The following TNKS2 variants were observed in gnomAD, a reference collection of about 807,000 sequenced individuals.
TNKS2 encodes poly [ADP-ribose] polymerase tankyrase-2.
TNKS2 carries 72 observed loss-of-function variants against 137.6 expected under a neutral mutation model. The observed-to-expected ratio is 0.52, with a 90% confidence interval of 0.43 to 0.64. TNKS2 has a LOEUF of 0.64. TNKS2 is among the 30% of genes least tolerant of loss of function. The pLI, the probability that TNKS2 is intolerant of heterozygous loss-of-function variation, is 0.00. For missense variants in TNKS2, 1,049 were observed against 1,410.2 expected (o/e 0.74, Z 4.10); for synonymous variants, 516 against 512.1 (o/e 1.01, Z -0.10).
rs1844049733 is a variant in TNKS2 at position 91,798,681 on chromosome 10, G to A, written c.-10G>A. On this transcript the variant is annotated 5_prime_UTR_variant, in exon 1 of 27. Transcript: ENST00000371627. Reference sequence around the variant, plus strand: ...TGGCGCTGTTGCTGGCTGTGGCGGCGGCCAGGATCATGTCGGGTCGCCGCT... The same window carrying A: ...TGGCGCTGTTGCTGGCTGTGGCGGCAGCCAGGATCATGTCGGGTCGCCGCT... 2.5e-5 allele frequency: 31 copies of A among 1,226,236 alleles called. No individual in the cohort carries two copies. Among genetic ancestry groups the A allele is most frequent in the Non-Finnish European group, 3.2e-5 (31 of 981,596 alleles). 76.0% of individuals were successfully genotyped at this position (1,226,236 alleles called of 1,614,324 possible). A position where few individuals can be genotyped will look rare whatever the true frequency, so the allele number is the denominator to read the frequency against.
At chr10:91,842,058 A>T in intron 15 of TNKS2, 114 bp from the exon 16 acceptor site, 2 of 589,398 alleles carry the variant, frequency 3.4e-6, no homozygotes, top group South Asian at 5.0e-5. Context: ...TTCAAAGTAG[A>T]GTCTCAATAT....
chr10:91,828,326 G>A lies in TNKS2; in HGVS notation c.1024G>A (p.Ala342Thr), dbSNP rs1845129967. The A allele has an allele frequency of 6.2e-7, 1 of 1,607,508 alleles. No individual in the cohort carries two copies. Among genetic ancestry groups the A allele is most frequent in the African/African-American group, 1.3e-5 (1 of 74,490 alleles). ...GHSLLQAARE[A>T]DVTRIKKHLS... is the part of the protein sequence containing the mutation. ...CTCGTTGCTGCAAGCTGCACGAGAAGCTGATGTTACTCGAATCAAAAAACA... is the reference window on the plus strand; with the variant it reads ...CTCGTTGCTGCAAGCTGCACGAGAAACTGATGTTACTCGAATCAAAAAACA... Residue 342 changes from alanine to threonine, a missense_variant, in exon 9 of 27, where the codon GCT becomes ACT. Transcript: ENST00000371627.
intron 7 of TNKS2, among the ~76,000 whole-genome samples, chr10:91,824,785 TA>T (rs761364045): frequency 7.2e-5 from 11 of 152,180 alleles, no homozygotes; most frequent in Non-Finnish European, 1.6e-4. Flanking sequence ...GTGAAGCCAG[TA>T]AGATTAATGG....
intron 2 of TNKS2, among the ~76,000 whole-genome samples, chr10:91,815,947 TC>T (rs1844678533): frequency 1.9e-5 from 2 of 104,508 alleles, no homozygotes; most frequent in East Asian, 3.2e-4. Flanking sequence ...CAAGACTTTC[TC>T]TTTTTTTTTT....
intron 7 of TNKS2, among the ~76,000 whole-genome samples, chr10:91,822,635 G>T (rs546246013): frequency 6.6e-6 from 1 of 151,576 alleles, no homozygotes; most frequent in South Asian, 2.1e-4. Context: ...GTGCAATCTT[G>T]GCTCACTGCA....
chr10:91,816,042 G>A (rs562662920), intron 2 of TNKS2, among the ~76,000 whole-genome samples: 27 of 143,162 alleles, frequency 1.9e-4, no homozygotes, highest in Non-Finnish European at 3.0e-4. Context: ...TCCGCCTCCC[G>A]GGTTCACGCC....
At chr10:91,811,316 C>T (rs1844495231) in intron 1 of TNKS2, among the ~76,000 whole-genome samples, 1 of 151,772 alleles carries the variant, frequency 6.6e-6, no homozygotes, top group South Asian at 2.1e-4. Context: ...TCCTTTCCCT[C>T]ACCTCTCCCT....
intron 1 of TNKS2, among the ~76,000 whole-genome samples, chr10:91,811,802 GT>G (rs1193120180): frequency 3.3e-5 from 5 of 152,224 alleles, no homozygotes; most frequent in African/African-American, 1.2e-4. Context: ...GCTCACGCCT[GT>G]AATCCCAGCA....
chr10:91,816,962 CTTTATGTATTAT>C (rs1480389764), intron 2 of TNKS2, among the ~76,000 whole-genome samples, 160 bp from the exon 3 acceptor site: 1 of 152,096 alleles, frequency 6.6e-6, no homozygotes, highest in Non-Finnish European at 1.5e-5. Context: ...TAATAGAATA[CTTTATGTATTAT>C]TTTTATATTT....
chr10:91,844,257 T>C (rs1040887018), intron 16 of TNKS2, among the ~76,000 whole-genome samples: 5 of 152,222 alleles, frequency 3.3e-5, no homozygotes, highest in Admixed American at 2.6e-4. Context: ...ATGTAATATT[T>C]TATGGTAGTT....
chr10:91,813,710 CTG>C (rs755750754), intron 2 of TNKS2, among the ~76,000 whole-genome samples: 6 of 152,262 alleles, frequency 3.9e-5, no homozygotes, highest in East Asian at 1.9e-4. Context: ...GAAGGGAACA[CTG>C]TGATAAGAGT....
intron 3 of TNKS2, among the ~76,000 whole-genome samples, chr10:91,818,771 G>A (rs756236744): frequency 2.6e-5 from 4 of 152,074 alleles, no homozygotes; most frequent in Non-Finnish European, 5.9e-5. Context: ...GGGCTCAAGC[G>A]ATCCACCCAC....
At chr10:91,833,555 G>A (rs1841890158) in intron 11 of TNKS2, among the ~76,000 whole-genome samples, 1 of 152,086 alleles carries the variant, frequency 6.6e-6, no homozygotes, top group Non-Finnish European at 1.5e-5. Context: ...AAAAATAGAT[G>A]AGTTCAACTT....
Position 91,841,321 on chromosome 10 carries a change from A to T in TNKS2, c.1712A>T (p.His571Leu). Residue 571 changes from histidine to leucine, a missense_variant, in exon 15 of 27, where the codon CAT (histidine) becomes CTT (leucine). By Grantham distance (99) the His-to-Leu change is moderately conservative. Transcript: ENST00000371627. ...TTGCACAATGCATGTTCTTATGGACATTATGAAGTTGCAGAACTTCTTGTT... is the reference window on the plus strand; with the variant it reads ...TTGCACAATGCATGTTCTTATGGACTTTATGAAGTTGCAGAACTTCTTGTT... ...VPLHNACSYG[H>L]YEVAELLVKH... 17 of 1,601,496 alleles carry T rather than the reference A, an allele frequency of 1.1e-5. No individual in the cohort carries two copies. Among genetic ancestry groups the T allele is most frequent in the Non-Finnish European group, 1.4e-5 (17 of 1,174,240 alleles).
chr10:91,826,983 A>G lies in TNKS2; in HGVS notation c.796-34A>G, dbSNP rs542250055. The G allele has an allele frequency of 1.4e-5, 21 of 1,449,424 alleles. No individual in the cohort carries two copies. The East Asian group carries it at 2.9e-4, about 20-fold the overall frequency. 89.8% of individuals were successfully genotyped at this position (1,449,424 alleles called of 1,614,324 possible). On this transcript the variant is annotated intron_variant, in intron 7 of 26. Transcript: ENST00000371627. The stretch of plus-strand genomic sequence containing the variant: ...CGAATAATTCTGAATTCTTTTAAAA[A>G]TTGAACATTAAATATATGCTTTTTG...
intron 6 of TNKS2, among the ~76,000 whole-genome samples, chr10:91,821,612 C>T (rs1214704931): frequency 1.3e-5 from 2 of 152,148 alleles, no homozygotes; most frequent in Non-Finnish European, 2.9e-5. Flanking sequence ...TTTAAAGTTT[C>T]ACCGTATCTT....
chr10:91,832,049 C>T (rs1005969430), intron 11 of TNKS2, among the ~76,000 whole-genome samples: 2 of 152,126 alleles, frequency 1.3e-5, no homozygotes, highest in Non-Finnish European at 2.9e-5. Flanking sequence ...TCCATTCATT[C>T]AAGGAACGAT....
chr10:91,827,056 A>G lies in TNKS2; in HGVS notation c.835A>G (p.Thr279Ala). 6.2e-7 allele frequency: 1 copy of G among 1,601,132 alleles called. No homozygotes were observed. The highest frequency in any genetic ancestry group is 8.5e-7 in the Non-Finnish European group (1 of 1,174,386). ...AAATGCAATGGACTTGTGGCAATTC[A>G]CTCCTCTTCATGAGGCAGCTTCTAA... ...CVNAMDLWQF[T>A]PLHEAASKNR... The change falls in exon 8 of 27, where the codon ACT (threonine) becomes GCT (alanine). Residue 279 changes from threonine to alanine, a missense_variant. By Grantham distance (58) the Thr-to-Ala change is moderately conservative. Coordinates refer to ENST00000371627, the MANE Select transcript of TNKS2 (RefSeq NM_025235.4).
At chr10:91,826,283 A>G (rs960054420) in intron 7 of TNKS2, among the ~76,000 whole-genome samples, 5 of 152,226 alleles carry the variant, frequency 3.3e-5, no homozygotes, top group African/African-American at 9.6e-5. Context: ...TCGGTATTCA[A>G]AAGTTTTGGA....
Sources: gnomAD v4.1 joint callset for allele counts (sites outside exome capture counted in the v4.1 genomes callset) on GRCh38, gnomAD v4.1.1 for gene constraint, MANE v1.5 for transcripts, NCBI Gene and HGNC (gene_info 2026-07-23, HGNC 2026-07-21) for gene names.